Variants in TMEM182 observed in about 807,000 individuals in gnomAD.
TMEM182 encodes transmembrane protein 182.
In TMEM182, 20 loss-of-function variants were observed where a neutral mutation model predicts 26.8. The observed-to-expected ratio is 0.75, with a 90% CI of 0.53 to 1.09. The LOEUF is 1.09. TMEM182 is among the 50% of genes least tolerant of loss of function. TMEM182 has a pLI of 0.00. For synonymous variants in TMEM182, 109 were observed against 102.2 expected, an observed-to-expected ratio of 1.07 and a Z score of -0.40; for missense variants, 277 against 275.5, an observed-to-expected ratio of 1.01 and a Z score of -0.04.
intron 3 of TMEM182, among the ~76,000 whole-genome samples, chr2:102,764,756 G>C (rs1464966308): frequency 6.6e-6 from 1 of 151,804 alleles, no homozygotes; most frequent in African/African-American, 2.4e-5. Context: ...TCCTACAGTT[G>C]AGAATATTGT....
chr2:102,816,518 A>G lies in TMEM182; in HGVS notation c.*1550A>G. Reference sequence around the variant, plus strand: ...TTCATGACAGGACTTGCCAATAATAATAATAATAATAATAATAATAATAAT... The same window carrying G: ...TTCATGACAGGACTTGCCAATAATAGTAATAATAATAATAATAATAATAAT... On this transcript the variant is annotated 3_prime_UTR_variant, in exon 5 of 5. Transcript: ENST00000412401. The G allele has an allele frequency of 5.2e-6, 5 of 954,600 alleles. No individual in the cohort carries two copies. Among genetic ancestry groups the G allele is most frequent in the Non-Finnish European group, 6.2e-6 (5 of 804,258 alleles). The allele number at this position is 954,600 out of a possible 1,614,324, so 59.1% of individuals were successfully genotyped here. A position where few individuals can be genotyped will look rare whatever the true frequency, so the allele number is the denominator to read the frequency against.
chr2:102,764,138 G>A (rs1052705573), intron 2 of TMEM182, among the ~76,000 whole-genome samples, 191 bp from the exon 3 acceptor site: 2 of 152,084 alleles, frequency 1.3e-5, no homozygotes, highest in Non-Finnish European at 2.9e-5. Context: ...ATCCACCTTC[G>A]TCTCATGTGC....
intron 3 of TMEM182, among the ~76,000 whole-genome samples, chr2:102,783,629 A>G (rs1437579770): frequency 2.6e-5 from 4 of 152,130 alleles, no homozygotes; most frequent in African/African-American, 4.8e-5. Flanking sequence ...TTAAACACCA[A>G]CGATCTGTTG....
At chr2:102,790,147 C>T (rs1681575418) in intron 3 of TMEM182, among the ~76,000 whole-genome samples, 2 of 152,240 alleles carry the variant, frequency 1.3e-5, no homozygotes, top group East Asian at 3.9e-4. Flanking sequence ...TTATGTCTTA[C>T]TCTGGCAGTT....
At chr2:102,840,070 C>T (rs555060488) in intron 3 of TMEM182, among the ~76,000 whole-genome samples, 1 of 152,226 alleles carries the variant, frequency 6.6e-6, no homozygotes, top group Admixed American at 6.5e-5. Context: ...CCAACATCCC[C>T]CAAATCCTAA....
At chr2:102,801,370 C>T (rs1682124460) in intron 4 of TMEM182, among the ~76,000 whole-genome samples, 1 of 152,128 alleles carries the variant, frequency 6.6e-6, no homozygotes, top group Non-Finnish European at 1.5e-5. Context: ...ACTTTATACA[C>T]ACTTCAAAAA....
At chr2:102,786,850 G>A (rs1040791608) in intron 3 of TMEM182, among the ~76,000 whole-genome samples, 2 of 152,040 alleles carry the variant, frequency 1.3e-5, no homozygotes, top group Admixed American at 6.5e-5. Context: ...ACTGAGTCCC[G>A]GACACTCACA....
At chr2:102,745,178 A>G (rs770190210) in intron 1 of TMEM182, among the ~76,000 whole-genome samples, 7 of 151,808 alleles carry the variant, frequency 4.6e-5, no homozygotes, top group Non-Finnish European at 7.4e-5. Flanking sequence ...ACGTTCACCA[A>G]TTCTTTCCTT....
intron 3 of TMEM182, among the ~76,000 whole-genome samples, chr2:102,788,120 G>T (rs1399405149): frequency 1.3e-5 from 2 of 152,292 alleles, no homozygotes; most frequent in Admixed American, 6.5e-5. Flanking sequence ...TGTTGCCCAG[G>T]CTGGATTTGA....
At chr2:102,737,051 T>G (rs1467386428) in intron 1 of TMEM182, 2 of 524,716 alleles carry the variant, frequency 3.8e-6, no homozygotes, top group Non-Finnish European at 6.6e-6. Context: ...ATGATGATGC[T>G]CTTTGTTTCC....
intron 3 of TMEM182, among the ~76,000 whole-genome samples, chr2:102,765,696 T>C (rs2104663593): frequency 6.6e-6 from 1 of 152,336 alleles, no homozygotes; most frequent in Non-Finnish European, 1.5e-5. Flanking sequence ...ACATCATTAA[T>C]AGGACACTTA....
intron 1 of TMEM182, among the ~76,000 whole-genome samples, chr2:102,755,879 G>A (rs190650811): frequency 1.1e-4 from 17 of 152,316 alleles, no homozygotes; most frequent in East Asian, 1.9e-4. Context: ...TCTAAAAACC[G>A]TCTAGGAAAG....
At chr2:102,752,684 A>G (rs946628536) in intron 1 of TMEM182, among the ~76,000 whole-genome samples, 2 of 152,192 alleles carry the variant, frequency 1.3e-5, no homozygotes, top group East Asian at 1.9e-4. Flanking sequence ...TATGACCTGA[A>G]CTTGCTGGGT....
At chr2:102,764,200 AT>A (rs1470548165) in intron 2 of TMEM182, 128 bp from the exon 3 acceptor site, 10 of 864,574 alleles carry the variant, frequency 1.2e-5, no homozygotes, top group Non-Finnish European at 1.6e-5. Context: ...AATTCGCTGA[AT>A]TTGCTGATGG....
At chr2:102,788,746 C>T (rs1047072636) in intron 3 of TMEM182, among the ~76,000 whole-genome samples, 1 of 152,128 alleles carries the variant, frequency 6.6e-6, no homozygotes, top group South Asian at 2.1e-4. Context: ...AATCCCTCCC[C>T]CTTCTGCCCA....
intron 1 of TMEM182, among the ~76,000 whole-genome samples, chr2:102,745,941 T>G (rs560649440): frequency 6.6e-6 from 1 of 152,324 alleles, no homozygotes; most frequent in African/African-American, 2.4e-5. Flanking sequence ...GATGGTAACA[T>G]ATGTTTTTAT....
At chr2:102,744,234 G>A (rs1046663326) in intron 1 of TMEM182, among the ~76,000 whole-genome samples, 1 of 152,106 alleles carries the variant, frequency 6.6e-6, no homozygotes, top group African/African-American at 2.4e-5. Flanking sequence ...AGTGAAACTA[G>A]CAATCAGTAA....
intron 3 of TMEM182, among the ~76,000 whole-genome samples, chr2:102,826,954 A>G (rs766559287): frequency 4.6e-5 from 7 of 152,248 alleles, no homozygotes; most frequent in Admixed American, 6.5e-5. Context: ...TGAGGAATAC[A>G]CTTTAATACA....
chr2:102,797,320 A>G (rs908908838), intron 3 of TMEM182, among the ~76,000 whole-genome samples: 2 of 152,208 alleles, frequency 1.3e-5, no homozygotes, highest in East Asian at 1.9e-4. Flanking sequence ...ACTGTTTTCT[A>G]TAGAGCCAAC....
Sources: gnomAD v4.1 joint callset for allele counts (sites outside exome capture counted in the v4.1 genomes callset) on GRCh38, gnomAD v4.1.1 for gene constraint, MANE v1.5 for transcripts, NCBI Gene and HGNC (gene_info 2026-07-23, HGNC 2026-07-21) for gene names.